The following SNTG1 variants were observed in gnomAD, a reference collection of about 807,000 sequenced individuals.
SNTG1 encodes syntrophin gamma 1.
Under a neutral mutation model 74.7 loss-of-function variants are expected in SNTG1, and 39 were observed. That is an observed-to-expected ratio of 0.52 (90% CI 0.40 to 0.68). SNTG1 has a LOEUF of 0.68. SNTG1 is among the 30% of genes least tolerant of loss of function. The pLI is 0.00. For synonymous variants in SNTG1, 254 were observed against 217.1 expected (o/e 1.17, Z -1.49); for missense variants, 685 against 609.5 (o/e 1.12, Z -1.30).
chr8:50,326,401 C>T (rs571409618), intron 2 of SNTG1, among the ~76,000 whole-genome samples: 1 of 152,082 alleles, frequency 6.6e-6, no homozygotes, highest in African/African-American at 2.4e-5. Context: ...ACTGTTTCTT[C>T]TTGTGTGAGT....
At chr8:50,506,003 G>A (rs1231191952) in intron 9 of SNTG1, among the ~76,000 whole-genome samples, 1 of 151,950 alleles carries the variant, frequency 6.6e-6, no homozygotes, top group Admixed American at 6.6e-5. Context: ...TTAGGTATTT[G>A]ATTTGTGTTG....
chr8:50,523,569 C>T (rs1250715795), intron 9 of SNTG1, among the ~76,000 whole-genome samples: 3 of 152,174 alleles, frequency 2.0e-5, no homozygotes, highest in African/African-American at 7.2e-5. Flanking sequence ...TGGGGAACAG[C>T]TAGTCAGTTG....
At chr8:49,937,957 C>G (rs950462468) in intron 1 of SNTG1, among the ~76,000 whole-genome samples, 4 of 152,046 alleles carry the variant, frequency 2.6e-5, no homozygotes, top group African/African-American at 4.8e-5. Context: ...TGACTTGTCC[C>G]TCCCTTCTTT....
At chr8:50,655,680 T>A (rs1224953289) in intron 13 of SNTG1, among the ~76,000 whole-genome samples, 8 of 152,200 alleles carry the variant, frequency 5.3e-5, no homozygotes, top group Non-Finnish European at 1.5e-5. Context: ...AGAGTAAACA[T>A]AATTAATGGA....
At chr8:50,083,482 TAAAG>T (rs1192719005) in intron 1 of SNTG1, among the ~76,000 whole-genome samples, 1 of 152,286 alleles carries the variant, frequency 6.6e-6, no homozygotes, top group Admixed American at 6.5e-5. Flanking sequence ...GCCTTTTAAT[TAAAG>T]AAAGGGCTTC....
At chr8:50,470,217 G>A (rs187631288) in intron 8 of SNTG1, among the ~76,000 whole-genome samples, 16 of 152,272 alleles carry the variant, frequency 1.1e-4, no homozygotes, top group Middle Eastern at 6.8e-3. Context: ...AAGTTTAGCC[G>A]AACCTAATAC....
At chr8:50,205,339 C>G (rs545131338) in intron 2 of SNTG1, among the ~76,000 whole-genome samples, 1 of 152,156 alleles carries the variant, frequency 6.6e-6, no homozygotes. Context: ...AACATTTTTT[C>G]ATGTGTCTGT....
At chr8:49,975,922 G>A (rs1414210035) in intron 1 of SNTG1, among the ~76,000 whole-genome samples, 1 of 151,970 alleles carries the variant, frequency 6.6e-6, no homozygotes, top group East Asian at 1.9e-4. Context: ...TCATGTTGGT[G>A]GTGAATTACA....
At chr8:50,470,843 C>G (rs2131742698) in intron 8 of SNTG1, among the ~76,000 whole-genome samples, 1 of 152,274 alleles carries the variant, frequency 6.6e-6, no homozygotes, top group East Asian at 1.9e-4. Flanking sequence ...GGGGTTGCTG[C>G]AGGGGGCTCT....
At chr8:50,126,343 C>T (rs1465627411) in intron 1 of SNTG1, among the ~76,000 whole-genome samples, 1 of 151,996 alleles carries the variant, frequency 6.6e-6, no homozygotes, top group Non-Finnish European at 1.5e-5. Context: ...TATTCACATC[C>T]ATAACTGATA....
In SNTG1 at chr8:50,309,870, G is replaced by A. The variant is rs116059704; in HGVS notation, c.-27-84342G>A. On this transcript the variant is annotated intron_variant, in intron 2 of 18. Coordinates refer to ENST00000642720, the MANE Select transcript of SNTG1 (RefSeq NM_018967.5). ...GCAACAACAAATTAATTCGCTGTCC[G>A]CAAACTCCATTGGTCAGTGTCCAAA... Among the ~76,000 whole-genome samples, 7 of 152,222 alleles carry A rather than the reference G, an allele frequency of 4.6e-5. No individual in the cohort carries two copies. The South Asian group carries it at 8.3e-4, about 18-fold the overall frequency.
At chr8:50,470,136 C>T (rs2093640237) in intron 8 of SNTG1, among the ~76,000 whole-genome samples, 2 of 152,112 alleles carry the variant, frequency 1.3e-5, no homozygotes, top group Non-Finnish European at 1.5e-5. Flanking sequence ...TCTAGAACAA[C>T]AAAAATGAAT....
At chr8:50,444,779 C>T (rs1228983352) in intron 5 of SNTG1, among the ~76,000 whole-genome samples, 1 of 132,250 alleles carries the variant, frequency 7.6e-6, no homozygotes, top group Non-Finnish European at 1.6e-5. Context: ...AAAGAGATAA[C>T]AAGCATACAG....
chr8:50,369,078 C>G (rs943902403), intron 2 of SNTG1, among the ~76,000 whole-genome samples: 1 of 152,008 alleles, frequency 6.6e-6, no homozygotes, highest in Non-Finnish European at 1.5e-5. Context: ...AATTTGGGGG[C>G]TACTGGAATG....
chr8:50,182,134 G>A (rs1175695826), intron 2 of SNTG1, among the ~76,000 whole-genome samples: 1 of 152,152 alleles, frequency 6.6e-6, no homozygotes, highest in Non-Finnish European at 1.5e-5. Context: ...ATCTATTTTA[G>A]AAGAGTGTCA....
chr8:50,458,588 C>CG (rs2093530058), intron 8 of SNTG1, among the ~76,000 whole-genome samples: 2 of 151,872 alleles, frequency 1.3e-5, no homozygotes, highest in Non-Finnish European at 2.9e-5. Context: ...ATCCAGACTT[C>CG]TTGTATATAT....
At chr8:49,996,945 C>T (rs554836936) in intron 1 of SNTG1, among the ~76,000 whole-genome samples, 15 of 152,190 alleles carry the variant, frequency 9.9e-5, no homozygotes, top group South Asian at 4.2e-4. Flanking sequence ...AATAGTAAGA[C>T]GATTTGAACT....
At chr8:50,322,166 T>C (rs2090558353) in intron 2 of SNTG1, among the ~76,000 whole-genome samples, 1 of 152,134 alleles carries the variant, frequency 6.6e-6, no homozygotes, top group African/African-American at 2.4e-5. Context: ...CTTTAGCATT[T>C]CTTATAGGTC....
At chr8:50,785,821 C>T (rs1181589041) in intron 18 of SNTG1, among the ~76,000 whole-genome samples, 1 of 151,954 alleles carries the variant, frequency 6.6e-6, no homozygotes, top group Non-Finnish European at 1.5e-5. Flanking sequence ...ACACCATTAT[C>T]ACTTGGTATA....
Sources: gnomAD v4.1 joint callset for allele counts (sites outside exome capture counted in the v4.1 genomes callset) on GRCh38, gnomAD v4.1.1 for gene constraint, MANE v1.5 for transcripts, NCBI Gene and HGNC (gene_info 2026-07-23, HGNC 2026-07-21) for gene names.